The following KAZN variants were observed in gnomAD, a reference collection of about 807,000 sequenced individuals.
The protein encoded by KAZN is kazrin, periplakin interacting protein.
Under a neutral mutation model 87.4 loss-of-function variants are expected in KAZN, and 40 were observed. That is an observed-to-expected ratio of 0.46 (90% confidence interval 0.36 to 0.60). KAZN has a LOEUF of 0.60. Ranked by LOEUF, KAZN falls within the 20% of genes least tolerant of loss-of-function variation. The pLI, the probability that KAZN is intolerant of heterozygous loss-of-function variation, is 0.00. For missense variants in KAZN, 898 were observed against 1,073.9 expected (o/e 0.84, Z 2.29); for synonymous variants, 466 against 458.3 (o/e 1.02, Z -0.22).
At chr1:14,667,659 T>G (rs705582) in intron 1 of KAZN, among the ~76,000 whole-genome samples, 44,329 of 151,916 alleles carry the variant, frequency 0.29, 7,373 homozygotes, top group African/African-American at 0.45. Context: ...AAACAGAGAA[T>G]TTGGGAAGGG....
chr1:14,766,915 G>A (rs72636651), intron 1 of KAZN, among the ~76,000 whole-genome samples: 14,076 of 151,892 alleles, frequency 0.093, 739 homozygotes, highest in East Asian at 0.19. Flanking sequence ...TCAAGCTATT[G>A]GAGCTACAAC....
chr1:14,755,087 C>CAA lies in KAZN; in HGVS notation c.226+155880_226+155881dup, dbSNP rs3032756. Among the ~76,000 whole-genome samples, 1,075 of 115,524 alleles carry CAA rather than the reference C, an allele frequency of 9.3e-3. 31 individuals are homozygous for CAA. The highest frequency in any genetic ancestry group is 0.035 in the African/African-American group (1,020 of 28,990). The allele number at this position is 115,524 out of a possible 152,430, so 75.8% of individuals were successfully genotyped here. On this transcript the variant is annotated intron_variant, in intron 1 of 14. Coordinates refer to ENST00000376030, the MANE Select transcript of KAZN (RefSeq NM_201628.3). Reference sequence around the variant, plus strand: ...AGAAACCCCATCTCTACTAAAAATGCAAAAAAAAAAAAAAAAATAGCCAGG... The same window carrying CAA: ...AGAAACCCCATCTCTACTAAAAATGCAAAAAAAAAAAAAAAAAAATAGCCAGG...
chr1:15,111,661 C>G (rs116267564), intron 13 of KAZN, among the ~76,000 whole-genome samples: 3 of 152,172 alleles, frequency 2.0e-5, no homozygotes, highest in Non-Finnish European at 4.4e-5. Context: ...ATCTGTTTAT[C>G]CACAGCATTG....
chr1:15,075,408 CCTTTACCCATCTAGTGTTTCCCAAA>C (rs2100607656), intron 8 of KAZN, among the ~76,000 whole-genome samples: 2 of 152,346 alleles, frequency 1.3e-5, no homozygotes, highest in South Asian at 4.1e-4. Context: ...AAATCTTCTA[CCTTTACCCATCTAGTGTTTCCCAAA>C]CTTACGTGAC....
intron 1 of KAZN, among the ~76,000 whole-genome samples, chr1:14,135,893 G>A (rs1002381945): frequency 2.6e-5 from 4 of 152,192 alleles, no homozygotes; most frequent in African/African-American, 4.8e-5. Context: ...TGCTAAAAAT[G>A]TAGGAAATAT....
chr1:13,994,011 T>C (rs553737518), intron 1 of KAZN, among the ~76,000 whole-genome samples: 146 of 152,356 alleles, frequency 9.6e-4, no homozygotes, highest in African/African-American at 3.4e-3. Flanking sequence ...TGGAATGAAG[T>C]CTGAATTTTT....
intron 1 of KAZN, among the ~76,000 whole-genome samples, chr1:14,156,813 G>T (rs1006568937): frequency 1.3e-5 from 2 of 151,674 alleles, no homozygotes; most frequent in African/African-American, 2.4e-5. Context: ...CTTTTCATTG[G>T]AGAGTTTAGT....
chr1:14,945,969 C>T (rs1278401810), intron 1 of KAZN: 33 of 964,782 alleles, frequency 3.4e-5, no homozygotes, highest in African/African-American at 3.5e-5. Context: ...GGTGCCAGGC[C>T]GCTTGCTGGG....
intron 13 of KAZN, among the ~76,000 whole-genome samples, chr1:15,108,247 A>C (rs34270831): frequency 0.29 from 44,847 of 152,056 alleles, 7,270 homozygotes; most frequent in African/African-American, 0.44. Flanking sequence ...ATGGGGGTGG[A>C]AGGACACATT....
chr1:14,190,551 G>C (rs1004636666), intron 2 of KAZN, among the ~76,000 whole-genome samples: 1 of 152,120 alleles, frequency 6.6e-6, no homozygotes. Context: ...CTTGCCCTTT[G>C]ATTCTGAACT....
At chr1:14,275,417 G>A (rs536940076) in intron 2 of KAZN, among the ~76,000 whole-genome samples, 83 of 150,122 alleles carry the variant, frequency 5.5e-4, no homozygotes, top group Admixed American at 1.6e-3. Flanking sequence ...CTGATGCATC[G>A]TGAAAACTGC....
chr1:14,091,164 T>C (rs948308663), intron 1 of KAZN, among the ~76,000 whole-genome samples: 2 of 150,504 alleles, frequency 1.3e-5, no homozygotes, highest in Non-Finnish European at 3.0e-5. Context: ...CAAATTTACC[T>C]GTGCAATTCC....
intron 1 of KAZN, among the ~76,000 whole-genome samples, chr1:13,936,095 A>ATTTTTTTTTTTTTTTT (rs1557731876): frequency 3.0e-5 from 1 of 32,906 alleles, no homozygotes; most frequent in South Asian, 2.3e-3. Flanking sequence ...GTACAAGTGC[A>ATTTTTTTTTTTTTTTT]GTTTTTTTTT....
At chr1:14,338,800 T>G (rs1386201664) in intron 2 of KAZN, among the ~76,000 whole-genome samples, 1 of 152,214 alleles carries the variant, frequency 6.6e-6, no homozygotes, top group Non-Finnish European at 1.5e-5. Context: ...GACTTCTCAG[T>G]ACATAAGTGA....
intron 2 of KAZN, among the ~76,000 whole-genome samples, chr1:14,224,549 T>C (rs1290308866): frequency 6.6e-6 from 1 of 152,172 alleles, no homozygotes; most frequent in Admixed American, 6.6e-5. Flanking sequence ...GGGCTTCCAT[T>C]TTCTCTTTCA....
chr1:14,686,788 G>A (rs927563909), intron 1 of KAZN, among the ~76,000 whole-genome samples: 3 of 152,214 alleles, frequency 2.0e-5, no homozygotes, highest in African/African-American at 7.2e-5. Flanking sequence ...CAGAACATTT[G>A]CGGTGGGGCT....
intron 2 of KAZN, among the ~76,000 whole-genome samples, chr1:14,481,871 A>C (rs757322954): frequency 1.3e-5 from 2 of 152,224 alleles, no homozygotes; most frequent in Non-Finnish European, 2.9e-5. Context: ...TCATCCTCAG[A>C]GCACCAGAGT....
At chr1:14,497,936 A>G (rs1268274487) in intron 2 of KAZN, among the ~76,000 whole-genome samples, 1 of 152,190 alleles carries the variant, frequency 6.6e-6, no homozygotes, top group Non-Finnish European at 1.5e-5. Flanking sequence ...CTCGTAACAT[A>G]TTTTAATGAC....
intron 2 of KAZN, among the ~76,000 whole-genome samples, chr1:14,504,512 A>G (rs1014107604): frequency 3.3e-5 from 5 of 152,216 alleles, no homozygotes; most frequent in Non-Finnish European, 7.3e-5. Context: ...GCAGAAAGGA[A>G]GCCAGGAGAA....
Sources: allele counts gnomAD v4.1 joint callset (sites outside exome capture counted in the v4.1 genomes callset), GRCh38; gene constraint gnomAD v4.1.1; transcripts MANE v1.5; gene names NCBI Gene and HGNC (gene_info 2026-07-23, HGNC 2026-07-21).